GLI3: variants seen among roughly 807,000 people sequenced by gnomAD.
GLI3 encodes transcription activator GLI3.
A neutral mutation model predicts 100.8 loss-of-function variants in GLI3; 20 were observed. The observed-to-expected ratio is 0.20, with a 90% CI of 0.14 to 0.29. GLI3 has a LOEUF of 0.29. Ranked by LOEUF, GLI3 falls within the 10% of genes least tolerant of loss-of-function variation. GLI3 has a pLI of 1.00. For synonymous variants in GLI3, 938 were observed against 860.5 expected, an observed-to-expected ratio of 1.09 and a Z score of -1.58; for missense variants, 2,040 against 2,128.5, an observed-to-expected ratio of 0.96 and a Z score of 0.82.
At chr7:42,173,058 T>C (rs1350969531) in intron 2 of GLI3, among the ~76,000 whole-genome samples, 3 of 152,106 alleles carry the variant, frequency 2.0e-5, no homozygotes, top group African/African-American at 7.2e-5. Flanking sequence ...ACCTTACTCT[T>C]CCCTGCAAGT....
chr7:42,074,103 T>C (rs1426770080), intron 4 of GLI3, among the ~76,000 whole-genome samples: 1 of 152,218 alleles, frequency 6.6e-6, no homozygotes, highest in African/African-American at 2.4e-5. Flanking sequence ...TCCCAGTATT[T>C]TTCATGCCCC....
At chr7:42,128,027 A>AAAAAAGAAAAAG (rs71006457) in intron 3 of GLI3, among the ~76,000 whole-genome samples, 5 of 146,894 alleles carry the variant, frequency 3.4e-5, no homozygotes, top group South Asian at 2.1e-4. Context: ...TCAAAAAAAA[A>AAAAAAGAAAAAG]AAAAAGAAAA....
intron 2 of GLI3, among the ~76,000 whole-genome samples, chr7:42,176,779 C>T (rs1309140762): frequency 6.6e-6 from 1 of 152,210 alleles, no homozygotes; most frequent in African/African-American, 2.4e-5. Flanking sequence ...GGGTCCACAG[C>T]CCAGCCCTCC....
rs544276569 is a variant in GLI3, at chr7:42,082,572, T to C, written c.368-5715A>G. 3.3e-5 allele frequency among the ~76,000 whole-genome samples: 5 copies of C among 152,190 alleles called. No homozygotes were observed. The East Asian group carries it at 9.7e-4, about 29-fold the overall frequency. ...CCCGCTGAGGACTTGCTGGGCAGAA[T>C]CCCCACAGCATCACCTCATGGAGCA... On this transcript the variant is annotated intron_variant, in intron 3 of 14. Transcript: ENST00000395925.
At chr7:42,018,429 GGATA>G (rs1349073814) in intron 10 of GLI3, among the ~76,000 whole-genome samples, 2 of 152,132 alleles carry the variant, frequency 1.3e-5, no homozygotes, top group African/African-American at 2.4e-5. Flanking sequence ...TCTTAGGTAA[GGATA>G]GACAATGCAA....
chr7:41,967,739 A>G lies in GLI3; in HGVS notation c.2288T>C (p.Leu763Ser), dbSNP rs758103882. 1 of 1,614,180 alleles carries G rather than the reference A, an allele frequency of 6.2e-7. No homozygotes were observed. The highest frequency in any genetic ancestry group is 8.5e-7 in the Non-Finnish European group (1 of 1,180,026). The part of the protein sequence containing the change: ...TISTATTALA[L>S]QARRNPAGTK... ...CCCTGCCGGGTTTCTCCTGGCTTGC[A>G]AAGCAAGGGCTGTGGTTGCAGTGGA... The change falls in exon 14 of 15, where the codon TTG becomes TCG. Residue 763 changes from leucine to serine, a missense_variant. By Grantham distance (145) the Leu-to-Ser change is moderately radical. Coordinates refer to ENST00000395925, the MANE Select transcript of GLI3 (RefSeq NM_000168.6).
chr7:42,175,481 G>C (rs1055607729), intron 2 of GLI3, among the ~76,000 whole-genome samples: 5 of 152,114 alleles, frequency 3.3e-5, no homozygotes, highest in African/African-American at 1.2e-4. Flanking sequence ...AGCCAGGCGT[G>C]GTGGCACACA....
At position 41,968,523 on chromosome 7, in the gene GLI3, A is replaced by G. The variant is rs1271575744; in HGVS notation, c.2104-600T>C. 2.0e-5 allele frequency among the ~76,000 whole-genome samples: 3 copies of G among 152,052 alleles called. No homozygotes were observed. In the East Asian group the frequency reaches 5.8e-4, roughly 29 times the overall value. On this transcript the variant is annotated intron_variant, in intron 13 of 14. Transcript: ENST00000395925. Reference sequence around the variant, plus strand: ...TACCTCCTCCAACAAGAGCCCCTCTAGGCTGTTCAGGGCTGGTTAGCCAAG... The same window carrying G: ...TACCTCCTCCAACAAGAGCCCCTCTGGGCTGTTCAGGGCTGGTTAGCCAAG...
Position 42,223,182 on chromosome 7 carries a change from G to C in GLI3, c.72C>G (p.Ser24=). The C allele has an allele frequency of 6.2e-7, 1 of 1,613,716 alleles. No homozygotes were observed. The highest frequency in any genetic ancestry group is 8.5e-7 in the Non-Finnish European group (1 of 1,179,662). ...CTTTCTCGCTCACATCTGTTCGAGT[G>C]GAGCACTTCACTATGGAATTCTCAA... The part of the protein sequence containing the change: ...KKVENSIVKC[S]TRTDVSEKAV... Residue 24 remains serine, a synonymous_variant, in exon 2 of 15, where the codon TCC becomes TCG. Transcript: ENST00000395925.
chr7:42,001,511 C>T (rs2128721945), intron 10 of GLI3, among the ~76,000 whole-genome samples: 1 of 152,224 alleles, frequency 6.6e-6, no homozygotes, highest in East Asian at 1.9e-4. Flanking sequence ...TGTCGACATC[C>T]TGCAGAACTA....
chr7:42,172,757 T>C (rs1469570506), intron 2 of GLI3: 2 of 630,992 alleles, frequency 3.2e-6, no homozygotes, highest in Non-Finnish European at 5.7e-6. Flanking sequence ...CACATTTCAT[T>C]ACTTGGCTAT....
At chr7:42,037,634 C>T (rs1159711874) in intron 7 of GLI3, among the ~76,000 whole-genome samples, 4 of 152,118 alleles carry the variant, frequency 2.6e-5, no homozygotes, top group African/African-American at 4.8e-5. Context: ...AAGATGCAAT[C>T]GAAAGTCTCA....
chr7:42,032,684 C>G (rs1789326024), intron 7 of GLI3, among the ~76,000 whole-genome samples: 1 of 152,088 alleles, frequency 6.6e-6, no homozygotes, highest in Non-Finnish European at 1.5e-5. Context: ...AATAAAGCAG[C>G]ATAATATGGC....
At chr7:42,209,100 A>T (rs1019044) in intron 2 of GLI3, among the ~76,000 whole-genome samples, 1 of 151,964 alleles carries the variant, frequency 6.6e-6, no homozygotes, top group Non-Finnish European at 1.5e-5. Context: ...TGCTGCCCAC[A>T]CTGGAGTGCA....
At chr7:42,063,740 A>G (rs1286469750) in intron 4 of GLI3, among the ~76,000 whole-genome samples, 1 of 152,208 alleles carries the variant, frequency 6.6e-6, no homozygotes, top group Non-Finnish European at 1.5e-5. Flanking sequence ...CACTGTGTTA[A>G]GTGCTATATA....
chr7:42,197,343 G>T (rs2128691084), intron 2 of GLI3, among the ~76,000 whole-genome samples: 1 of 152,292 alleles, frequency 6.6e-6, no homozygotes, highest in African/African-American at 2.4e-5. Flanking sequence ...CTCACCTTGT[G>T]GATACCAAGA....
At chr7:42,139,224 T>C (rs950823903) in intron 3 of GLI3, among the ~76,000 whole-genome samples, 2 of 152,224 alleles carry the variant, frequency 1.3e-5, no homozygotes, top group African/African-American at 2.4e-5. Flanking sequence ...TGTGCCTTGA[T>C]ACAGAACACT....
At chr7:42,148,199 C>G in intron 3 of GLI3, 27 bp downstream of exon 3, 1 of 1,583,852 alleles carries the variant, frequency 6.3e-7, no homozygotes, top group Non-Finnish European at 8.6e-7. Flanking sequence ...AGCTCCTGAA[C>G]AAGTGCCGAC....
chr7:42,113,509 C>T (rs1785768684), intron 3 of GLI3: 1 of 1,112,756 alleles, frequency 9.0e-7, no homozygotes. Context: ...AGAAGGTACC[C>T]AAAGGGAAAA....
Sources: allele counts gnomAD v4.1 joint callset (sites outside exome capture counted in the v4.1 genomes callset), GRCh38; gene constraint gnomAD v4.1.1; transcripts MANE v1.5; gene names NCBI Gene and HGNC (gene_info 2026-07-23, HGNC 2026-07-21).